Variants in KLF12 observed in about 807,000 individuals in gnomAD.
The protein encoded by KLF12 is Krueppel-like factor 12.
Under a neutral mutation model 37.8 loss-of-function variants are expected in KLF12, and 9 were observed. The observed-to-expected ratio is 0.24, with a 90% CI of 0.14 to 0.42. The LOEUF is 0.42. Ranked by LOEUF, KLF12 falls within the 10% of genes least tolerant of loss-of-function variation. The pLI, the probability that KLF12 is intolerant of heterozygous loss-of-function variation, is 1.00. For synonymous variants in KLF12, 208 were observed against 202.1 expected (o/e 1.03, Z -0.25); for missense variants, 411 against 516.0 (o/e 0.80, Z 1.97).
At chr13:74,274,024 C>T in the KLF12 span, among the ~76,000 whole-genome samples, 1 of 152,150 alleles carries the variant, frequency 6.6e-6, no homozygotes, top group Admixed American at 6.5e-5. Context: ...AGACACCAAA[C>T]TCTGCCTCTT....
the KLF12 span, among the ~76,000 whole-genome samples, chr13:74,279,961 G>T: frequency 6.6e-6 from 1 of 152,274 alleles, no homozygotes; most frequent in African/African-American, 2.4e-5. Context: ...TAAGCACAGA[G>T]GACCAGAAGT....
chr13:74,135,725 G>A (rs1878532732), upstream of KLF12, among the ~76,000 whole-genome samples: 2 of 152,136 alleles, frequency 1.3e-5, no homozygotes, highest in African/African-American at 4.8e-5. Flanking sequence ...CCCGCCCCGC[G>A]TGGGAAATCG....
At chr13:73,962,862 G>A (rs773818054) in intron 2 of KLF12, among the ~76,000 whole-genome samples, 16 of 152,150 alleles carry the variant, frequency 1.1e-4, no homozygotes, top group African/African-American at 1.9e-4. Flanking sequence ...AAGTAACCAC[G>A]ATTGCCAAGT....
intron 2 of KLF12, among the ~76,000 whole-genome samples, chr13:73,964,438 T>C (rs887098788): frequency 3.3e-5 from 5 of 151,968 alleles, no homozygotes; most frequent in African/African-American, 1.2e-4. Context: ...ACATTGACAA[T>C]AGCAAAACCA....
At chr13:73,759,292 CAT>C (rs1879392177) in intron 6 of KLF12, among the ~76,000 whole-genome samples, 1 of 152,144 alleles carries the variant, frequency 6.6e-6, no homozygotes, top group Non-Finnish European at 1.5e-5. Flanking sequence ...GGAATTTCCA[CAT>C]ATTAAAGTCC....
intron 1 of KLF12, among the ~76,000 whole-genome samples, chr13:74,046,036 G>A (rs905119025): frequency 2.0e-5 from 3 of 152,118 alleles, no homozygotes; most frequent in Admixed American, 6.5e-5. Flanking sequence ...CCAGAAATTT[G>A]CCATAGGAAC....
chr13:73,839,363 A>G (rs968380952), intron 4 of KLF12, among the ~76,000 whole-genome samples: 2 of 150,932 alleles, frequency 1.3e-5, no homozygotes, highest in African/African-American at 2.4e-5. Flanking sequence ...TTGGCCTCCC[A>G]AAGTGCTGGG....
Position 73,934,604 on chromosome 13 carries a change from T to C in KLF12, c.123+9377A>G, listed in dbSNP as rs115152566. ...AGATAAGAAGACTGATTTATCTTCC[T>C]TCATGTGTAAGGTGTATTTTTTGCC... On this transcript the variant is annotated intron_variant, in intron 3 of 7. Coordinates refer to ENST00000377669, the MANE Select transcript of KLF12 (RefSeq NM_007249.5). Among the ~76,000 whole-genome samples, 1,042 of 152,288 alleles carry C rather than the reference T, an allele frequency of 6.8e-3. 21 individuals are homozygous for C. The highest frequency in any genetic ancestry group is 0.023 in the African/African-American group (952 of 41,556).
intron 2 of KLF12, among the ~76,000 whole-genome samples, chr13:73,947,394 T>C (rs992622426): frequency 1.3e-5 from 2 of 152,150 alleles, no homozygotes; most frequent in East Asian, 1.9e-4. Context: ...CTCACTCTTG[T>C]AATCACAACA....
At chr13:73,903,876 A>G (rs1019493062) in intron 3 of KLF12, among the ~76,000 whole-genome samples, 2 of 152,152 alleles carry the variant, frequency 1.3e-5, no homozygotes, top group Non-Finnish European at 2.9e-5. Context: ...TCTAGGTTGC[A>G]TGGTCCTTCC....
chr13:73,818,147 T>TATTTATTTATTTATTTA (rs1566391370), intron 4 of KLF12, among the ~76,000 whole-genome samples: 5 of 151,686 alleles, frequency 3.3e-5, no homozygotes, highest in African/African-American at 1.2e-4. Context: ...ACTTATTTAT[T>TATTTATTTATTTATTTA]TTTATTTATT....
intron 1 of KLF12, among the ~76,000 whole-genome samples, chr13:74,092,292 G>C: frequency 1.4e-5 from 1 of 71,714 alleles, no homozygotes; most frequent in Admixed American, 1.2e-4. Context: ...GTGAGACTCC[G>C]TCTCAAAAAA....
chr13:73,952,728 AC>A (rs1471327057), intron 2 of KLF12, among the ~76,000 whole-genome samples: 1 of 152,248 alleles, frequency 6.6e-6, no homozygotes, highest in Non-Finnish European at 1.5e-5. Context: ...TATGGGCATC[AC>A]ATAACAGGTG....
chr13:74,169,921 C>T, the KLF12 span, among the ~76,000 whole-genome samples: 69 of 152,330 alleles, frequency 4.5e-4, no homozygotes, highest in Non-Finnish European at 5.0e-4. Flanking sequence ...AAGGGGTCAA[C>T]AGCTGCACAT....
At chr13:74,086,116 T>C (rs1268883862) in intron 1 of KLF12, among the ~76,000 whole-genome samples, 2 of 151,178 alleles carry the variant, frequency 1.3e-5, no homozygotes, top group East Asian at 3.9e-4. Context: ...CACTAATTTT[T>C]ATTATTATTA....
intron 1 of KLF12, among the ~76,000 whole-genome samples, chr13:74,086,865 ATGT>A (rs1875338076): frequency 6.6e-6 from 1 of 152,214 alleles, no homozygotes; most frequent in South Asian, 2.1e-4. Context: ...AGAAAATAAA[ATGT>A]TATTAAGAAA....
At chr13:74,303,850 G>A in the KLF12 span, among the ~76,000 whole-genome samples, 2 of 151,980 alleles carry the variant, frequency 1.3e-5, no homozygotes, top group South Asian at 2.1e-4. Flanking sequence ...AGAAGGGTGC[G>A]TTATTTGTCC....
chr13:74,158,790 A>C, the KLF12 span, among the ~76,000 whole-genome samples: 1 of 152,230 alleles, frequency 6.6e-6, no homozygotes, highest in African/African-American at 2.4e-5. Context: ...TTCAGGTCAG[A>C]GACCTTGCCT....
chr13:73,817,318 C>CAAAAAAAAA (rs749318816), intron 4 of KLF12, among the ~76,000 whole-genome samples: 1 of 52,220 alleles, frequency 1.9e-5, no homozygotes, highest in Non-Finnish European at 4.0e-5. Flanking sequence ...GATCCTGTTT[C>CAAAAAAAAA]AAAAAAAAAA....
Sources: gnomAD v4.1 joint callset for allele counts (sites outside exome capture counted in the v4.1 genomes callset) on GRCh38, gnomAD v4.1.1 for gene constraint, MANE v1.5 for transcripts, NCBI Gene and HGNC (gene_info 2026-07-23, HGNC 2026-07-21) for gene names.